Variants in TMEM178B observed in about 807,000 individuals in gnomAD.
The protein encoded by TMEM178B is transmembrane protein 178B.
TMEM178B carries 5 observed loss-of-function variants against 31.0 expected under a neutral mutation model. That is an observed-to-expected ratio of 0.16 (90% CI 0.08 to 0.34). The LOEUF (loss-of-function observed/expected upper bound fraction) is 0.34. TMEM178B is among the 10% of genes least tolerant of loss of function. The pLI is 1.00. For synonymous variants in TMEM178B, 164 were observed against 164.0 expected (o/e 1.00, Z 0.00); for missense variants, 275 against 400.3 (o/e 0.69, Z 2.67).
chr7:141,287,254 C>T (rs556230146), intron 2 of TMEM178B, among the ~76,000 whole-genome samples: 2 of 152,248 alleles, frequency 1.3e-5, no homozygotes, highest in Admixed American at 1.3e-4. Flanking sequence ...GGTTCATCTT[C>T]AGCAAGTGAA....
chr7:141,108,847 A>G (rs4726298), intron 1 of TMEM178B, among the ~76,000 whole-genome samples: 13,215 of 152,238 alleles, frequency 0.087, 789 homozygotes, highest in South Asian at 0.22. Flanking sequence ...TGCTGCTGAT[A>G]AAGACATACC....
At chr7:141,389,797 G>A (rs898061632) in intron 2 of TMEM178B, among the ~76,000 whole-genome samples, 7 of 152,230 alleles carry the variant, frequency 4.6e-5, no homozygotes, top group Non-Finnish European at 8.8e-5. Flanking sequence ...AGTCTGAATA[G>A]GGAGTCATTC....
chr7:141,106,106 A>AG (rs1405698609), intron 1 of TMEM178B, among the ~76,000 whole-genome samples: 1 of 151,628 alleles, frequency 6.6e-6, no homozygotes, highest in African/African-American at 2.4e-5. Context: ...AAAAAAGAAA[A>AG]GAAAAAAGGG....
chr7:141,162,175 G>A (rs1796186228), intron 1 of TMEM178B, among the ~76,000 whole-genome samples: 2 of 152,188 alleles, frequency 1.3e-5, no homozygotes, highest in Non-Finnish European at 2.9e-5. Context: ...AAAACAAGAA[G>A]CCATCTCTGA....
intron 2 of TMEM178B, among the ~76,000 whole-genome samples, chr7:141,345,968 A>G (rs1799611782): frequency 1.3e-5 from 2 of 152,136 alleles, no homozygotes; most frequent in African/African-American, 4.8e-5. Context: ...TATGAAATTT[A>G]TATTTATTTA....
At chr7:141,206,338 A>T (rs193180177) in intron 1 of TMEM178B, among the ~76,000 whole-genome samples, 11 of 152,318 alleles carry the variant, frequency 7.2e-5, no homozygotes, top group African/African-American at 2.6e-4. Flanking sequence ...TGCATTTGGA[A>T]GTGGAAGAGC....
At chr7:141,107,779 C>T (rs1184460339) in intron 1 of TMEM178B, among the ~76,000 whole-genome samples, 5 of 152,014 alleles carry the variant, frequency 3.3e-5, no homozygotes, top group Admixed American at 6.5e-5. Context: ...GAGTTGTCAG[C>T]GTTGATGGTA....
chr7:141,290,230 G>C (rs1456720545), intron 2 of TMEM178B, among the ~76,000 whole-genome samples: 1 of 152,234 alleles, frequency 6.6e-6, no homozygotes, highest in East Asian at 1.9e-4. Flanking sequence ...GAAAGCATCT[G>C]TTTGGTTCAG....
chr7:141,489,521 A>G, the TMEM178B span, among the ~76,000 whole-genome samples: 1 of 151,716 alleles, frequency 6.6e-6, no homozygotes, highest in Non-Finnish European at 1.5e-5. Context: ...GTGACCTCTT[A>G]CTTCCCTCAT....
intron 2 of TMEM178B, among the ~76,000 whole-genome samples, chr7:141,372,878 C>T (rs1800143961): frequency 6.6e-6 from 1 of 152,084 alleles, no homozygotes; most frequent in Non-Finnish European, 1.5e-5. Context: ...GCCGTCCAGG[C>T]TTGTGAGAAG....
the TMEM178B span, among the ~76,000 whole-genome samples, chr7:141,491,769 G>A: frequency 1.2e-4 from 18 of 152,010 alleles, no homozygotes; most frequent in Admixed American, 3.3e-4. Flanking sequence ...ATTGTATATC[G>A]GTTTTTTCCC....
At chr7:141,235,524 G>C (rs1021813659) in intron 2 of TMEM178B, among the ~76,000 whole-genome samples, 2 of 152,128 alleles carry the variant, frequency 1.3e-5, no homozygotes, top group African/African-American at 4.8e-5. Flanking sequence ...GACATTTGAG[G>C]TCATCTAATC....
intron 1 of TMEM178B, among the ~76,000 whole-genome samples, chr7:141,116,251 G>A (rs1193731938): frequency 3.9e-5 from 6 of 152,284 alleles, no homozygotes; most frequent in East Asian, 3.9e-4. Context: ...ACAGCCATAA[G>A]CCCAAAGCAA....
At chr7:141,410,401 CCTTTT>C (rs548089809) in intron 2 of TMEM178B, among the ~76,000 whole-genome samples, 258 of 149,980 alleles carry the variant, frequency 1.7e-3, no homozygotes, top group Non-Finnish European at 2.9e-3. Context: ...TGTCCTTGGT[CCTTTT>C]CTTTTCTTTT....
intron 1 of TMEM178B, among the ~76,000 whole-genome samples, chr7:141,168,117 A>C (rs1796290303): frequency 6.6e-6 from 1 of 152,178 alleles, no homozygotes; most frequent in African/African-American, 2.4e-5. Context: ...GAGACCGGGA[A>C]TCTGAGTCCC....
intron 2 of TMEM178B, among the ~76,000 whole-genome samples, chr7:141,270,958 G>A (rs905175460): frequency 6.6e-6 from 1 of 152,152 alleles, no homozygotes; most frequent in African/African-American, 2.4e-5. Context: ...CAACATTGTG[G>A]ATGGTAGTAC....
rs1220991590 is a variant in TMEM178B, at chr7:141,138,983, CA to C, written c.382+64302del. Reference sequence around the variant, plus strand: ...TGGGCAACACAGTGAGACTCCATGTCAAAAAAAAAAAGAAAAAAAAAGTGGT... The same window carrying C: ...TGGGCAACACAGTGAGACTCCATGTCAAAAAAAAAAGAAAAAAAAAGTGGT... On this transcript the variant is annotated intron_variant, in intron 1 of 3. Transcript: ENST00000565468. Among the ~76,000 whole-genome samples the C allele has an allele frequency of 5.6e-3, 688 of 123,438 alleles. 3 individuals carry two copies. The highest frequency in any genetic ancestry group is 0.016 in the African/African-American group (504 of 30,914). 81.0% of individuals were successfully genotyped at this position (123,438 alleles called of 152,430 possible). A position where few individuals can be genotyped will look rare whatever the true frequency, so the allele number is the denominator to read the frequency against.
intron 1 of TMEM178B, among the ~76,000 whole-genome samples, chr7:141,160,769 A>G (rs975950123): frequency 1.3e-5 from 2 of 152,232 alleles, no homozygotes; most frequent in South Asian, 2.1e-4. Flanking sequence ...AGTGATGGGA[A>G]CTGGTCGGAT....
chr7:141,388,373 A>AC (rs1353544805), intron 2 of TMEM178B, among the ~76,000 whole-genome samples: 1 of 152,184 alleles, frequency 6.6e-6, no homozygotes, highest in Non-Finnish European at 1.5e-5. Context: ...CTCTAATAAT[A>AC]CCGCCTGTTT....
Sources: allele counts gnomAD v4.1 joint callset (sites outside exome capture counted in the v4.1 genomes callset), GRCh38; gene constraint gnomAD v4.1.1; transcripts MANE v1.5; gene names NCBI Gene and HGNC (gene_info 2026-07-23, HGNC 2026-07-21).